C2CD5: variants seen among roughly 807,000 people sequenced by gnomAD.
C2CD5 encodes C2 calcium dependent domain containing 5.
In C2CD5, 109 loss-of-function variants were observed where a neutral mutation model predicts 130.3. The observed-to-expected ratio is 0.84, with a 90% CI of 0.72 to 0.98. The LOEUF (loss-of-function observed/expected upper bound fraction) is 0.98. Among genes scored for constraint, C2CD5 ranks in the 50% least tolerant of loss-of-function variants. The pLI is 0.00. For synonymous variants in C2CD5, 454 were observed against 429.2 expected, an observed-to-expected ratio of 1.06 and a Z score of -0.71; for missense variants, 996 against 1,261.8, an observed-to-expected ratio of 0.79 and a Z score of 3.19.
chr12:22,539,951 C>T (rs889803579), intron 2 of C2CD5, among the ~76,000 whole-genome samples: 3 of 147,896 alleles, frequency 2.0e-5, no homozygotes, highest in Non-Finnish European at 3.0e-5. Context: ...GAGATCACGC[C>T]ATTGCACTCC....
chr12:22,525,170 T>C (rs904139786), intron 5 of C2CD5, among the ~76,000 whole-genome samples: 4 of 152,056 alleles, frequency 2.6e-5, no homozygotes, highest in African/African-American at 4.8e-5. Flanking sequence ...AAAATAAACA[T>C]TGGTGCACTG....
At chr12:22,486,427 C>T (rs1174145090) in intron 12 of C2CD5, among the ~76,000 whole-genome samples, 2 of 152,110 alleles carry the variant, frequency 1.3e-5, no homozygotes, top group Non-Finnish European at 2.9e-5. Context: ...AGTATTTCTA[C>T]ATAAGGGAAA....
intron 20 of C2CD5, among the ~76,000 whole-genome samples, 197 bp downstream of exon 20, chr12:22,471,202 C>T (rs909238112): frequency 6.6e-6 from 1 of 152,092 alleles, no homozygotes; most frequent in Non-Finnish European, 1.5e-5. Context: ...CTGAAGCATA[C>T]GTGTGCTTAC....
Position 22,490,232 on chromosome 12 carries a change from A to C in C2CD5, c.1263-14T>G, listed in dbSNP as rs1946164702. The C allele has an allele frequency of 1.3e-6, 2 of 1,571,414 alleles. No individual in the cohort carries two copies. The highest frequency in any genetic ancestry group is 1.7e-5 in the Admixed American group (1 of 59,704). ...CAGACCTCTTCACTATAAAGGAAAA[A>C]ACACAAACAAGTTAACATTTTTCAG... On this transcript the variant is annotated splice_polypyrimidine_tract_variant and intron_variant, in intron 11 of 26. Coordinates refer to ENST00000446597, the MANE Select transcript of C2CD5 (RefSeq NM_001286176.2).
At chr12:22,484,952 T>A in intron 12 of C2CD5, 64 bp from the exon 13 acceptor site, 1 of 753,150 alleles carries the variant, frequency 1.3e-6, no homozygotes, top group East Asian at 2.9e-5. Flanking sequence ...CAAAAATAAT[T>A]ATGTAACTGA....
chr12:22,507,129 G>T (rs1391774634), intron 9 of C2CD5, among the ~76,000 whole-genome samples: 5 of 152,100 alleles, frequency 3.3e-5, no homozygotes, highest in Non-Finnish European at 7.4e-5. Context: ...CTCCAACTCT[G>T]ATGGAACTTC....
intron 12 of C2CD5, among the ~76,000 whole-genome samples, chr12:22,486,847 A>T (rs1157054212): frequency 6.6e-6 from 1 of 152,186 alleles, no homozygotes; most frequent in Non-Finnish European, 1.5e-5. Flanking sequence ...GTGAATGGCA[A>T]TTATTACTCA....
At chr12:22,454,444 C>T (rs1340156544) in intron 25 of C2CD5, among the ~76,000 whole-genome samples, 1 of 152,114 alleles carries the variant, frequency 6.6e-6, no homozygotes, top group Non-Finnish European at 1.5e-5. Context: ...TACCTGTTAT[C>T]TATATCTCTC....
chr12:22,451,566 G>T (rs959926391), intron 26 of C2CD5, among the ~76,000 whole-genome samples: 5 of 151,998 alleles, frequency 3.3e-5, no homozygotes, highest in African/African-American at 1.2e-4. Context: ...GACTGGTGGT[G>T]GAAAATCTGG....
chr12:22,525,954 C>T (rs886429298), intron 4 of C2CD5, among the ~76,000 whole-genome samples: 2 of 152,088 alleles, frequency 1.3e-5, no homozygotes, highest in African/African-American at 4.8e-5. Context: ...CAACTGTAGG[C>T]TAATATAAGT....
intron 3 of C2CD5, among the ~76,000 whole-genome samples, chr12:22,534,179 C>T (rs775660800): frequency 6.6e-6 from 1 of 152,124 alleles, no homozygotes; most frequent in Non-Finnish European, 1.5e-5. Context: ...CAAAGCAAGA[C>T]TCTGTCTATT....
intron 7 of C2CD5, chr12:22,519,232 GC>G: frequency 6.5e-7 from 1 of 1,535,720 alleles, no homozygotes. Context: ...GGATGAACCA[GC>G]GGAGACCTGA....
At chr12:22,543,708 TTGTGTG>T (rs34060195) in intron 2 of C2CD5, among the ~76,000 whole-genome samples, 2 of 141,872 alleles carry the variant, frequency 1.4e-5, no homozygotes, top group Non-Finnish European at 3.1e-5. Context: ...ATTCCGGCAT[TTGTGTG>T]TGTGTGTGTG....
intron 8 of C2CD5, among the ~76,000 whole-genome samples, chr12:22,516,900 C>T (rs1949777464): frequency 6.6e-6 from 1 of 151,814 alleles, no homozygotes; most frequent in South Asian, 2.1e-4. Flanking sequence ...GCATCCATTA[C>T]TGTCAAATAA....
intron 20 of C2CD5, 105 bp downstream of exon 20, chr12:22,471,293 TA>T: frequency 1.5e-6 from 1 of 662,030 alleles, no homozygotes; most frequent in Non-Finnish European, 2.6e-6. Flanking sequence ...TATTGTGAGG[TA>T]AACTAGTATA....
intron 9 of C2CD5, among the ~76,000 whole-genome samples, chr12:22,511,233 C>T (rs1324699465): frequency 6.9e-6 from 1 of 145,076 alleles, no homozygotes; most frequent in Non-Finnish European, 1.5e-5. Flanking sequence ...GGGATAGAAA[C>T]GAATATTAAA....
chr12:22,465,430 G>A (rs1033781620), intron 22 of C2CD5, among the ~76,000 whole-genome samples: 3 of 152,024 alleles, frequency 2.0e-5, no homozygotes, highest in Non-Finnish European at 4.4e-5. Context: ...AGTAGTATAT[G>A]ATTTATACAC....
In C2CD5 at chr12:22,523,518, C is replaced by T. The variant is rs748324722; in HGVS notation, c.708G>A (p.Val236=). ...GAGTACACGCCGTTCCTATGGCTCG[C>T]ACCACTAACCCAGACTCGCCCTCCA... ...FDLEGESGLV[V]RAIGTACTLD... is the part of the protein sequence containing the mutation. The change falls in exon 7 of 27, where the codon GTG becomes GTA. Residue 236 remains valine (V), a synonymous_variant. Coordinates refer to ENST00000446597, the MANE Select transcript of C2CD5 (RefSeq NM_001286176.2). The T allele has an allele frequency of 1.2e-6, 2 of 1,614,000 alleles. No homozygotes were observed. Among genetic ancestry groups the T allele is most frequent in the Non-Finnish European group, 1.7e-6 (2 of 1,179,976 alleles).
rs1173499868 is a variant in C2CD5, at chr12:22,485,993, T to C, written c.1359-1105A>G. Among the ~76,000 whole-genome samples, 3 of 152,144 alleles carry C rather than the reference T, an allele frequency of 2.0e-5. 1 individual carries two copies. Among genetic ancestry groups the C allele is most frequent in the South Asian group, 4.1e-4 (2 of 4,828 alleles). ...AAGCATTATACGAGTCAAATGCAGA[T>C]AGCTATCAAAACATTTCTAAAATAA... On this transcript the variant is annotated intron_variant, in intron 12 of 26. Coordinates refer to ENST00000446597, the MANE Select transcript of C2CD5 (RefSeq NM_001286176.2).
Sources: allele counts gnomAD v4.1 joint callset (sites outside exome capture counted in the v4.1 genomes callset), GRCh38; gene constraint gnomAD v4.1.1; transcripts MANE v1.5; gene names NCBI Gene and HGNC (gene_info 2026-07-23, HGNC 2026-07-21).